TTBK2: variants seen among roughly 807,000 people sequenced by gnomAD.
TTBK2 encodes tau-tubulin kinase 2.
TTBK2 carries 28 observed loss-of-function variants against 110.8 expected under a neutral mutation model. That is an observed-to-expected ratio of 0.25 (90% CI 0.19 to 0.35). The LOEUF (loss-of-function observed/expected upper bound fraction) is 0.35. Ranked by LOEUF, TTBK2 falls within the 10% of genes least tolerant of loss-of-function variation. TTBK2 has a pLI of 1.00. For synonymous variants in TTBK2, 532 were observed against 527.3 expected, an observed-to-expected ratio of 1.01 and a Z score of -0.12; for missense variants, 1,369 against 1,500.3, an observed-to-expected ratio of 0.91 and a Z score of 1.45.
chr15:42,906,458 A>G lies in TTBK2; in HGVS notation c.-68+13980T>C, dbSNP rs559045802. 6.3e-4 allele frequency among the ~76,000 whole-genome samples: 96 copies of G among 152,356 alleles called. 1 individual carries two copies. In the South Asian group the frequency reaches 0.015, roughly 23 times the overall value. ...ATTAAATTATACCATTTGCATTGTT[A>G]TAATTTTGCTTTTAAAGTTATTAGT... On this transcript the variant is annotated intron_variant, in intron 1 of 14. Transcript: ENST00000267890.
chr15:42,786,750 C>A (rs1057021767), intron 10 of TTBK2, among the ~76,000 whole-genome samples: 1 of 152,166 alleles, frequency 6.6e-6, no homozygotes, highest in African/African-American at 2.4e-5. Flanking sequence ...GACTCAGGTT[C>A]CTCTCCCACC....
intron 6 of TTBK2, among the ~76,000 whole-genome samples, chr15:42,823,511 T>C (rs1203286848): frequency 6.6e-6 from 1 of 152,184 alleles, no homozygotes; most frequent in Non-Finnish European, 1.5e-5. Context: ...TGTAATGCCT[T>C]CTGACTGATG....
In TTBK2 at chr15:42,752,149, T is replaced by A; in HGVS notation, c.3097A>T (p.Ser1033Cys). The change falls in exon 14 of 15, where the codon AGT becomes TGT. Residue 1033 changes from serine (S) to cysteine (C), a missense_variant. Physicochemically the swap from Ser to Cys is moderately radical, Grantham distance 112 (BLOSUM62 -1). Transcript: ENST00000267890. ...FSRLTVDSHL[S>C]RSAEDSFLSP... ...AGAAAGCTATCTTCAGCTGACCTACTCAGGTGAGAATCTACTGTCAGTCTT... is the reference window on the plus strand; with the variant it reads ...AGAAAGCTATCTTCAGCTGACCTACACAGGTGAGAATCTACTGTCAGTCTT... 1.9e-6 allele frequency: 3 copies of A among 1,614,168 alleles called. No homozygotes were observed. Among genetic ancestry groups the A allele is most frequent in the Non-Finnish European group, 2.5e-6 (3 of 1,180,020 alleles).
At chr15:42,885,260 G>A (rs117423500) in intron 1 of TTBK2, among the ~76,000 whole-genome samples, 2,468 of 152,316 alleles carry the variant, frequency 0.016, 36 homozygotes, top group Non-Finnish European at 0.025. Flanking sequence ...ACTCCGTGAA[G>A]AGATCTACCT....
chr15:42,856,208 T>C (rs1051884986), intron 3 of TTBK2, among the ~76,000 whole-genome samples: 2 of 152,196 alleles, frequency 1.3e-5, no homozygotes, highest in Non-Finnish European at 2.9e-5. Context: ...TGATAAATTC[T>C]TCCCAACAAT....
chr15:42,832,447 T>C (rs1390361446), intron 4 of TTBK2, among the ~76,000 whole-genome samples: 1 of 152,196 alleles, frequency 6.6e-6, no homozygotes, highest in Non-Finnish European at 1.5e-5. Context: ...TGGGGTAAAG[T>C]GTTATTAACA....
At position 42,752,553 on chromosome 15, in the gene TTBK2, G is replaced by T; in HGVS notation, c.2693C>A (p.Thr898Asn). The change falls in exon 14 of 15, where the codon ACT (threonine) becomes AAT (asparagine). Residue 898 changes from threonine (T) to asparagine (N), a missense_variant. By Grantham distance (65) the Thr-to-Asn change is moderately conservative. Coordinates refer to ENST00000267890, the MANE Select transcript of TTBK2 (RefSeq NM_173500.4). ...DLPGHQGDLS[T>N]FLHQEGKREK... ...TCTCTTGCCCTCTTGGTGCAAAAAAGTAGAGAGGTCTCCTTGATGACCTGG... is the reference window on the plus strand; with the variant it reads ...TCTCTTGCCCTCTTGGTGCAAAAAATTAGAGAGGTCTCCTTGATGACCTGG... 1 of 1,614,138 alleles carries T rather than the reference G, an allele frequency of 6.2e-7. No homozygotes were observed. Among genetic ancestry groups the T allele is most frequent in the South Asian group, 1.1e-5 (1 of 91,070 alleles).
rs139013678 is a variant in TTBK2, at chr15:42,841,866, T to C, written c.218-1433A>G. On this transcript the variant is annotated intron_variant, in intron 3 of 14. Coordinates refer to ENST00000267890, the MANE Select transcript of TTBK2 (RefSeq NM_173500.4). Reference sequence around the variant, plus strand: ...GTATAGATTTTAAGGGATACTAAAATGTTGAATTTTAGGACAATCAAGTGA... The same window carrying C: ...GTATAGATTTTAAGGGATACTAAAACGTTGAATTTTAGGACAATCAAGTGA... Among the ~76,000 whole-genome samples, 686 of 152,324 alleles carry C rather than the reference T, an allele frequency of 4.5e-3. 8 individuals carry two copies. The highest frequency in any genetic ancestry group is 0.016 in the African/African-American group (660 of 41,566).
At chr15:42,914,832 T>C (rs1186121604) in intron 1 of TTBK2, among the ~76,000 whole-genome samples, 3 of 152,200 alleles carry the variant, frequency 2.0e-5, no homozygotes, top group Non-Finnish European at 4.4e-5. Flanking sequence ...AGAAACTTCT[T>C]CCCTGAACCC....
intron 9 of TTBK2, chr15:42,801,831 C>T (rs1440477875): frequency 1.1e-6 from 1 of 889,158 alleles, no homozygotes; most frequent in Non-Finnish European, 1.9e-6. Flanking sequence ...CCTTGATGAG[C>T]ACAAATTCAT....
chr15:42,764,651 C>A (rs1022912140), intron 13 of TTBK2, among the ~76,000 whole-genome samples: 2 of 152,254 alleles, frequency 1.3e-5, no homozygotes, highest in African/African-American at 4.8e-5. Flanking sequence ...AGGCCTGCTG[C>A]CTCTGTAGAC....
intron 1 of TTBK2, among the ~76,000 whole-genome samples, chr15:42,913,047 C>A (rs2030869322): frequency 1.3e-5 from 2 of 148,900 alleles, no homozygotes; most frequent in Admixed American, 6.6e-5. Flanking sequence ...ATGGCGTGAA[C>A]CCGGGAAGCG....
intron 13 of TTBK2, among the ~76,000 whole-genome samples, chr15:42,754,317 G>A (rs1053363065): frequency 2.6e-5 from 4 of 152,140 alleles, no homozygotes; most frequent in African/African-American, 9.7e-5. Context: ...CTGAGCTCAA[G>A]TGATCCATCT....
At chr15:42,882,932 T>A (rs1273162520) in intron 1 of TTBK2, among the ~76,000 whole-genome samples, 1 of 152,158 alleles carries the variant, frequency 6.6e-6, no homozygotes, top group African/African-American at 2.4e-5. Context: ...AAATCTGGAA[T>A]AACAGCAATG....
At chr15:42,904,438 G>A (rs1176822763) in intron 1 of TTBK2, among the ~76,000 whole-genome samples, 1 of 152,052 alleles carries the variant, frequency 6.6e-6, no homozygotes, top group Non-Finnish European at 1.5e-5. Context: ...CTTGGTGCAA[G>A]AACACTAGAT....
intron 3 of TTBK2, among the ~76,000 whole-genome samples, chr15:42,870,397 G>A (rs1894568991): frequency 6.6e-6 from 1 of 152,016 alleles, no homozygotes; most frequent in South Asian, 2.1e-4. Flanking sequence ...TGCCTGAACT[G>A]AGAAAATCTA....
chr15:42,833,344 C>G (rs1892847248), intron 4 of TTBK2, among the ~76,000 whole-genome samples: 1 of 148,044 alleles, frequency 6.8e-6, no homozygotes, highest in Admixed American at 6.7e-5. Flanking sequence ...TACAAGATCT[C>G]AATAAAAATG....
At chr15:42,868,946 C>T (rs1275355540) in intron 3 of TTBK2, among the ~76,000 whole-genome samples, 2 of 151,956 alleles carry the variant, frequency 1.3e-5, no homozygotes, top group Admixed American at 6.6e-5. Flanking sequence ...GTACCAAATT[C>T]TATTAAGACT....
chr15:42,757,958 G>A (rs2061970752), intron 13 of TTBK2, among the ~76,000 whole-genome samples: 1 of 152,080 alleles, frequency 6.6e-6, no homozygotes, highest in Non-Finnish European at 1.5e-5. Flanking sequence ...TAATAGTTCA[G>A]GTAAAGCAGC....
Sources: gnomAD v4.1 joint callset for allele counts (sites outside exome capture counted in the v4.1 genomes callset) on GRCh38, gnomAD v4.1.1 for gene constraint, MANE v1.5 for transcripts, NCBI Gene and HGNC (gene_info 2026-07-23, HGNC 2026-07-21) for gene names.